CDKL5: variants seen among roughly 807,000 people sequenced by gnomAD.
CDKL5 encodes cyclin dependent kinase like 5, also known as cyclin-dependent kinase-like 5.
A neutral mutation model predicts 61.7 loss-of-function variants in CDKL5; 8 were observed. The ratio of observed to expected loss-of-function variants is 0.13; its 90% CI spans 0.08 to 0.23. The LOEUF (loss-of-function observed/expected upper bound fraction) is 0.23. Among genes scored for constraint, CDKL5 ranks in the 10% least tolerant of loss-of-function variants. The pLI is 1.00. For synonymous variants in CDKL5, 275 were observed against 272.3 expected (o/e 1.01, Z -0.10); for missense variants, 440 against 734.5 (o/e 0.60, Z 4.63).
intron 1 of CDKL5, among the ~76,000 whole-genome samples, chrX:18,439,771 A>T (rs1464681335): frequency 9.8e-6 from 1 of 101,727 alleles, no homozygotes; most frequent in African/African-American, 3.6e-5. Flanking sequence ...CAGGAGGTGG[A>T]GGTTGCAGTG....
intron 3 of CDKL5, among the ~76,000 whole-genome samples, chrX:18,521,137 A>G (rs1393683190): frequency 8.9e-6 from 1 of 112,068 alleles, no homozygotes. Context: ...AGTGATTTTG[A>G]GCATCTTTTC....
chrX:18,499,049 GCCCGAGCCACTGTGC>G (rs774287718), intron 1 of CDKL5, among the ~76,000 whole-genome samples: 1 of 112,035 alleles, frequency 8.9e-6, no homozygotes, highest in Non-Finnish European at 1.9e-5. Flanking sequence ...GGGATTACAG[GCCCGAGCCACTGTGC>G]CCGGCCCTTG....
At chrX:18,610,791 A>C (rs1204558765) in intron 14 of CDKL5, among the ~76,000 whole-genome samples, 2 of 112,415 alleles carry the variant, frequency 1.8e-5, no homozygotes, top group African/African-American at 6.5e-5. Context: ...CAGCAAGCCC[A>C]CAGGGCCAAG....
chrX:18,561,253 G>A (rs1481342889), intron 3 of CDKL5, among the ~76,000 whole-genome samples: 1 of 111,247 alleles, frequency 9.0e-6, no homozygotes, highest in African/African-American at 3.3e-5. Context: ...TGCCTATCAA[G>A]TTGCCATGTA....
rs1262514684 is a variant in CDKL5 at position 18,453,483 on chromosome X, A to G, written c.-163+27788A>G. ...TTGTGTATTAATTCCAGTGTTCACA[A>G]CTGGATTGTAAGGTACTTTAAAGAA... is the stretch of plus-strand genomic sequence containing the variant. On this transcript the variant is annotated intron_variant, in intron 1 of 17. Coordinates refer to ENST00000623535, the MANE Select transcript of CDKL5 (RefSeq NM_001323289.2). 7.2e-5 allele frequency among the ~76,000 whole-genome samples: 8 copies of G among 111,624 alleles called. No homozygotes were observed. In the Admixed American group the frequency reaches 7.7e-4, roughly 11 times the overall value.
At position 18,632,569 on chromosome X, in the gene CDKL5, G is replaced by T. The variant is rs781031208; in HGVS notation, c.*3812G>T. 154 of 753,006 alleles carry T rather than the reference G, an allele frequency of 2.0e-4. No individual in the cohort carries two copies. Among genetic ancestry groups the T allele is most frequent in the African/African-American group, 1.6e-3 (68 of 43,507 alleles). 62.1% of individuals were successfully genotyped at this position (753,006 alleles called of 1,213,427 possible). ...TAGAAGCAAAAAAGTCCGTATTGGTGGTTGTGATGTGGCTGTTATAGAAGT... is the reference window on the plus strand; with the variant it reads ...TAGAAGCAAAAAAGTCCGTATTGGTTGTTGTGATGTGGCTGTTATAGAAGT... On this transcript the variant is annotated 3_prime_UTR_variant, in exon 18 of 18. Coordinates refer to ENST00000623535, the MANE Select transcript of CDKL5 (RefSeq NM_001323289.2).
chrX:18,603,101 C>T (rs1423554696), intron 11 of CDKL5, among the ~76,000 whole-genome samples: 1 of 111,600 alleles, frequency 9.0e-6, no homozygotes, highest in Non-Finnish European at 1.9e-5. Context: ...TAAAGGAGGG[C>T]TCAGTCGGTC....
rs1025671777 is a variant in CDKL5, at chrX:18,587,881, C to T, written c.555-73C>T. 5.0e-6 allele frequency: 5 copies of T among 991,116 alleles called. No homozygotes were observed. In the African/African-American group the frequency reaches 9.4e-5, roughly 19 times the overall value. 81.7% of individuals were successfully genotyped at this position (991,116 alleles called of 1,213,427 possible). A position where few individuals can be genotyped will look rare whatever the true frequency, so the allele number is the denominator to read the frequency against. On this transcript the variant is annotated intron_variant, in intron 8 of 17. Coordinates refer to ENST00000623535, the MANE Select transcript of CDKL5 (RefSeq NM_001323289.2). ...CAAGTGTGCTGCACATAAATTTGTT[C>T]ACAATAATTTGGAAATTATCAAAAC...
In CDKL5 at chrX:18,634,978, A is replaced by G. The variant is rs1017320299; in HGVS notation, c.*6221A>G. On this transcript the variant is annotated 3_prime_UTR_variant, in exon 18 of 18. Transcript: ENST00000623535. ...TGTGACATCTAGTATGTGGTAGATGAAGAATCAGTGGAAATTCTTAATTGC... is the reference window on the plus strand; with the variant it reads ...TGTGACATCTAGTATGTGGTAGATGGAGAATCAGTGGAAATTCTTAATTGC... 10 of 739,054 alleles carry G rather than the reference A, an allele frequency of 1.4e-5. No individual in the cohort carries two copies. The allele number at this position is 739,054 out of a possible 1,213,427, so 60.9% of individuals were successfully genotyped here.
At chrX:18,509,245 A>ACACACACCC (rs796171313) in intron 2 of CDKL5, among the ~76,000 whole-genome samples, 2 of 95,350 alleles carry the variant, frequency 2.1e-5, no homozygotes, top group Admixed American at 1.3e-4. Context: ...ACACACACAC[A>ACACACACCC]CCCCTGTCAA....
At chrX:18,509,192 A>AACGCACACAC (rs1555940155) in intron 2 of CDKL5, among the ~76,000 whole-genome samples, 2 of 45,002 alleles carry the variant, frequency 4.4e-5, no homozygotes, top group East Asian at 9.9e-4. Context: ...ACTGTCTCAA[A>AACGCACACAC]ACACGCACAC....
intron 10 of CDKL5, among the ~76,000 whole-genome samples, chrX:18,597,091 C>T (rs759093324): frequency 9.0e-6 from 1 of 110,799 alleles, no homozygotes; most frequent in Non-Finnish European, 1.9e-5. Flanking sequence ...ACCCTGGAAG[C>T]CTTCTTATGC....
At position 18,490,467 on chromosome X, in the gene CDKL5, G is replaced by GA. The variant is rs35163585; in HGVS notation, c.-162-16457dup. ...AGATACCACGCATTTGCTGTCTGGG[G>GA]AAAAAAAAAAAGCCCTCAGGTAGGC... On this transcript the variant is annotated intron_variant, in intron 1 of 17. Transcript: ENST00000623535. 4.3e-3 allele frequency among the ~76,000 whole-genome samples: 431 copies of GA among 99,528 alleles called. 1 individual carries two copies. The Middle Eastern group carries it at 0.049, about 11-fold the overall frequency. 86.4% of individuals were successfully genotyped at this position (99,528 alleles called of 115,157 possible).
chrX:18,607,558 A>G (rs551850713), intron 12 of CDKL5, among the ~76,000 whole-genome samples: 3 of 112,345 alleles, frequency 2.7e-5, no homozygotes, highest in African/African-American at 9.7e-5. Context: ...ACTGTGGGCT[A>G]AGCACAGATC....
chrX:18,560,283 C>T (rs1211768010), intron 3 of CDKL5, among the ~76,000 whole-genome samples: 1 of 111,577 alleles, frequency 9.0e-6, no homozygotes, highest in Non-Finnish European at 1.9e-5. Context: ...TCCACATCCT[C>T]TCCAGCACCT....
At chrX:18,549,784 G>T (rs1348139329) in intron 3 of CDKL5, among the ~76,000 whole-genome samples, 2 of 111,528 alleles carry the variant, frequency 1.8e-5, no homozygotes, top group Non-Finnish European at 1.9e-5. Flanking sequence ...GGGTGGGTAG[G>T]TTGAAGGTAA....
chrX:18,573,292 T>C (rs575136310), intron 4 of CDKL5, among the ~76,000 whole-genome samples: 1 of 111,866 alleles, frequency 8.9e-6, no homozygotes, highest in South Asian at 3.8e-4. Flanking sequence ...CTGTGTGTTA[T>C]TCTGTTTCTT....
At chrX:18,531,693 TTTTTTTC>T (rs1227110452) in intron 3 of CDKL5, among the ~76,000 whole-genome samples, 3 of 110,416 alleles carry the variant, frequency 2.7e-5, no homozygotes, top group Non-Finnish European at 5.7e-5. Context: ...GGGTTTTTTC[TTTTTTTC>T]TTTTTTCTTT....
At chrX:18,463,794 G>C (rs1439204172) in intron 1 of CDKL5, among the ~76,000 whole-genome samples, 1 of 111,809 alleles carries the variant, frequency 8.9e-6, no homozygotes, top group Non-Finnish European at 1.9e-5. Flanking sequence ...AGAATAGCAA[G>C]TTTATTACGG....
Sources: gnomAD v4.1 joint callset for allele counts (sites outside exome capture counted in the v4.1 genomes callset) on GRCh38, gnomAD v4.1.1 for gene constraint, MANE v1.5 for transcripts, NCBI Gene and HGNC (gene_info 2026-07-23, HGNC 2026-07-21) for gene names.